CLASP2: variants seen among roughly 807,000 people sequenced by gnomAD.
CLASP2 encodes the protein CLIP-associating protein 2.
CLASP2 carries 47 observed loss-of-function variants against 194.4 expected under a neutral mutation model. The observed-to-expected ratio is 0.24, with a 90% CI of 0.19 to 0.31. The LOEUF (loss-of-function observed/expected upper bound fraction) is 0.31. Among genes scored for constraint, CLASP2 ranks in the 10% least tolerant of loss-of-function variants. CLASP2 has a pLI of 1.00. For missense variants in CLASP2, 1,445 were observed against 1,823.6 expected, an observed-to-expected ratio of 0.79 and a Z score of 3.78; for synonymous variants, 619 against 633.5, an observed-to-expected ratio of 0.98 and a Z score of 0.34.
chr3:33,696,811 T>G, intron 2 of CLASP2, 44 bp downstream of exon 2: 1 of 1,231,916 alleles, frequency 8.1e-7, no homozygotes, highest in Non-Finnish European at 1.2e-6. Context: ...AAAGTCATCA[T>G]GTCAAATCTT....
intron 34 of CLASP2, among the ~76,000 whole-genome samples, chr3:33,520,825 ACACACAC>A (rs2052822534): frequency 2.4e-5 from 1 of 41,780 alleles, no homozygotes; most frequent in Non-Finnish European, 4.5e-5. Context: ...ATCTCTACAC[ACACACAC>A]ACACACACAC....
At chr3:33,549,750 T>C (rs1360654709) in intron 30 of CLASP2, among the ~76,000 whole-genome samples, 3 of 151,836 alleles carry the variant, frequency 2.0e-5, no homozygotes, top group Non-Finnish European at 4.4e-5. Context: ...TTCTTTTTTT[T>C]TTTTTTAAGA....
intron 13 of CLASP2, 91 bp from the exon 14 acceptor site, chr3:33,608,717 T>G: frequency 1.7e-6 from 1 of 599,182 alleles, no homozygotes. Context: ...CCCCCTAAAT[T>G]AAAGCATAAG....
intron 8 of CLASP2, among the ~76,000 whole-genome samples, chr3:33,638,335 C>T (rs931758102): frequency 4.6e-5 from 7 of 151,918 alleles, no homozygotes; most frequent in Non-Finnish European, 7.4e-5. Flanking sequence ...GATGGAGTCT[C>T]GCTCCGTCGC....
At chr3:33,710,528 G>A (rs1286572151) in intron 1 of CLASP2, among the ~76,000 whole-genome samples, 7 of 152,212 alleles carry the variant, frequency 4.6e-5, no homozygotes, top group East Asian at 3.9e-4. Context: ...AGCTATGATC[G>A]TGCCACTACA....
chr3:33,541,202 T>C (rs912647842), intron 32 of CLASP2, among the ~76,000 whole-genome samples: 1 of 152,156 alleles, frequency 6.6e-6, no homozygotes, highest in Non-Finnish European at 1.5e-5. Flanking sequence ...GTATGTGCAC[T>C]GTAGCACTAT....
intron 6 of CLASP2, among the ~76,000 whole-genome samples, chr3:33,666,452 T>C (rs1027894320): frequency 6.6e-6 from 1 of 152,230 alleles, no homozygotes; most frequent in Non-Finnish European, 1.5e-5. Flanking sequence ...GGCCATTTCA[T>C]ATAAATGGAA....
chr3:33,565,131 C>T (rs547218319), intron 27 of CLASP2, among the ~76,000 whole-genome samples: 14 of 152,078 alleles, frequency 9.2e-5, no homozygotes, highest in Non-Finnish European at 1.9e-4. Flanking sequence ...ATCCATTCCA[C>T]CTAACAATTA....
At chr3:33,611,954 G>GT (rs768972551) in intron 13 of CLASP2, 47 bp downstream of exon 13, 77 of 1,235,042 alleles carry the variant, frequency 6.2e-5, no homozygotes, top group Non-Finnish European at 8.8e-5. Flanking sequence ...AAACAATGCA[G>GT]TATCAGAGCT....
Position 33,496,607 on chromosome 3 carries a change from T to C in CLASP2, c.*2024A>G, listed in dbSNP as rs886364072. The C allele has an allele frequency of 2.6e-5, 4 of 152,202 alleles. No homozygotes were observed. The highest frequency in any genetic ancestry group is 6.5e-5 in the Admixed American group (1 of 15,278). The allele number at this position is 152,202 out of a possible 1,614,324, so 9.4% of individuals were successfully genotyped here. A position where few individuals can be genotyped will look rare whatever the true frequency, so the allele number is the denominator to read the frequency against. On this transcript the variant is annotated 3_prime_UTR_variant, in exon 39 of 39. Coordinates refer to ENST00000682230, the MANE Select transcript of CLASP2 (RefSeq NM_001365631.1). ...TGCCTGCCTGCCATTAGATGCCAGG[T>C]GCTTATCTAATTTTCCAGTTAGTTA... is the stretch of plus-strand genomic sequence containing the variant.
intron 34 of CLASP2, among the ~76,000 whole-genome samples, chr3:33,523,636 C>T (rs991067096): frequency 2.0e-5 from 3 of 152,104 alleles, no homozygotes; most frequent in African/African-American, 7.2e-5. Context: ...TGAAGAAATA[C>T]AGATCTCAAT....
At chr3:33,568,269 A>G (rs2063101132) in intron 26 of CLASP2, among the ~76,000 whole-genome samples, 1 of 152,178 alleles carries the variant, frequency 6.6e-6, no homozygotes, top group South Asian at 2.1e-4. Context: ...ATATAACCAC[A>G]TGGTCAGGCA....
intron 29 of CLASP2, among the ~76,000 whole-genome samples, chr3:33,553,463 G>T (rs1250833950): frequency 6.6e-6 from 1 of 152,086 alleles, no homozygotes; most frequent in African/African-American, 2.4e-5. Flanking sequence ...CTGATAAGTG[G>T]TTAACATTCA....
intron 8 of CLASP2, among the ~76,000 whole-genome samples, chr3:33,641,588 C>T (rs918424467): frequency 4.0e-5 from 6 of 151,790 alleles, no homozygotes; most frequent in African/African-American, 1.4e-4. Flanking sequence ...AATTAACATA[C>T]ACTAAAGATT....
At chr3:33,602,852 A>T in intron 18 of CLASP2, 100 bp downstream of exon 18, 1 of 1,208,426 alleles carries the variant, frequency 8.3e-7, no homozygotes, top group Non-Finnish European at 1.2e-6. Flanking sequence ...GACTATCCTT[A>T]AATAACAAGA....
chr3:33,670,549 T>C (rs2086971149), intron 6 of CLASP2, among the ~76,000 whole-genome samples: 1 of 152,176 alleles, frequency 6.6e-6, no homozygotes. Flanking sequence ...AATCAACAAC[T>C]CTTCTTAGAT....
chr3:33,595,059 A>G (rs2069881006), intron 19 of CLASP2, 91 bp from the exon 20 acceptor site: 2 of 664,512 alleles, frequency 3.0e-6, no homozygotes, highest in Non-Finnish European at 4.5e-6. Flanking sequence ...CACTACAATG[A>G]AAGGGTAAAA....
At chr3:33,612,143 C>A in intron 12 of CLASP2, 72 bp from the exon 13 acceptor site, 1 of 896,986 alleles carries the variant, frequency 1.1e-6, no homozygotes, top group Non-Finnish European at 1.8e-6. Flanking sequence ...ATTTGCCTTA[C>A]ATTCAAGTAT....
At chr3:33,686,433 T>C (rs1215499248) in intron 5 of CLASP2, among the ~76,000 whole-genome samples, 3 of 152,050 alleles carry the variant, frequency 2.0e-5, no homozygotes, top group Non-Finnish European at 2.9e-5. Flanking sequence ...TAGATTCTCA[T>C]AGAAGCACAA....
Sources: allele counts gnomAD v4.1 joint callset (sites outside exome capture counted in the v4.1 genomes callset), GRCh38; gene constraint gnomAD v4.1.1; transcripts MANE v1.5; gene names NCBI Gene and HGNC (gene_info 2026-07-23, HGNC 2026-07-21).